TMEM117: variants seen among roughly 807,000 people sequenced by gnomAD.
The protein encoded by TMEM117 is transmembrane protein 117.
A neutral mutation model predicts 52.4 loss-of-function variants in TMEM117; 27 were observed. That is an observed-to-expected ratio of 0.51 (90% CI 0.38 to 0.71). The LOEUF is 0.71. Ranked by LOEUF, TMEM117 falls within the 30% of genes least tolerant of loss-of-function variation. The pLI is 0.00. For missense variants in TMEM117, 556 were observed against 630.5 expected, an observed-to-expected ratio of 0.88 and a Z score of 1.26; for synonymous variants, 215 against 206.3, an observed-to-expected ratio of 1.04 and a Z score of -0.36.
At position 43,850,142 on chromosome 12, in the gene TMEM117, G is replaced by A. The variant is rs1190681509; in HGVS notation, c.277+5214G>A. On this transcript the variant is annotated intron_variant, in intron 2 of 7. Coordinates refer to ENST00000266534, the MANE Select transcript of TMEM117 (RefSeq NM_032256.3). ...ATTTAATAGGGCCTTACTAACAGAAGCCATGTCTCGGTACCTGTGAGATGA... is the reference window on the plus strand; with the variant it reads ...ATTTAATAGGGCCTTACTAACAGAAACCATGTCTCGGTACCTGTGAGATGA... Among the ~76,000 whole-genome samples, 3 of 152,224 alleles carry A rather than the reference G, an allele frequency of 2.0e-5. No homozygotes were observed. The East Asian group carries it at 5.8e-4, about 29-fold the overall frequency.
intron 5 of TMEM117, among the ~76,000 whole-genome samples, chr12:44,259,064 T>C (rs983338384): frequency 6.6e-6 from 1 of 152,174 alleles, no homozygotes; most frequent in Non-Finnish European, 1.5e-5. Flanking sequence ...AATATAAAAA[T>C]GTACTTCACT....
At chr12:43,993,212 C>T (rs1268447935) in intron 3 of TMEM117, among the ~76,000 whole-genome samples, 1 of 152,106 alleles carries the variant, frequency 6.6e-6, no homozygotes, top group Non-Finnish European at 1.5e-5. Context: ...GAATGCAATC[C>T]CAACTGAGCT....
chr12:44,128,318 C>T (rs1404067899), intron 3 of TMEM117, among the ~76,000 whole-genome samples: 1 of 152,260 alleles, frequency 6.6e-6, no homozygotes, highest in African/African-American at 2.4e-5. Context: ...CTGCCCCCTT[C>T]TCTTCACACC....
At chr12:44,205,500 A>G (rs1227009906) in intron 4 of TMEM117, among the ~76,000 whole-genome samples, 1 of 152,164 alleles carries the variant, frequency 6.6e-6, no homozygotes, top group African/African-American at 2.4e-5. Context: ...TACTTGCAAA[A>G]TATCCATCTG....
intron 6 of TMEM117, among the ~76,000 whole-genome samples, chr12:44,358,609 T>C (rs1592716610): frequency 6.6e-6 from 1 of 152,200 alleles, no homozygotes. Flanking sequence ...CATAAATAGA[T>C]TGGAAATGTA....
intron 2 of TMEM117, among the ~76,000 whole-genome samples, chr12:43,872,368 G>A (rs373752421): frequency 5.2e-4 from 34 of 64,912 alleles, no homozygotes; most frequent in African/African-American, 8.1e-4. Flanking sequence ...TGAAAAAGGC[G>A]TCTGTACCTC....
intron 5 of TMEM117, among the ~76,000 whole-genome samples, chr12:44,277,474 G>A (rs956853618): frequency 1.3e-5 from 2 of 152,092 alleles, no homozygotes; most frequent in Non-Finnish European, 2.9e-5. Flanking sequence ...GTTGAGACAT[G>A]GCTGGGTCTT....
At chr12:44,057,454 C>T (rs570233792) in intron 3 of TMEM117, among the ~76,000 whole-genome samples, 5 of 152,056 alleles carry the variant, frequency 3.3e-5, no homozygotes, top group African/African-American at 9.6e-5. Context: ...ACCCAAAAAC[C>T]GCAAGCACAT....
At chr12:43,906,172 G>T (rs1944383418) in intron 2 of TMEM117, among the ~76,000 whole-genome samples, 1 of 152,112 alleles carries the variant, frequency 6.6e-6, no homozygotes, top group African/African-American at 2.4e-5. Context: ...AACAAAGATG[G>T]CAGAATGATA....
intron 2 of TMEM117, among the ~76,000 whole-genome samples, chr12:43,863,927 C>T (rs1032463729): frequency 5.9e-5 from 9 of 152,318 alleles, no homozygotes; most frequent in African/African-American, 9.6e-5. Context: ...ACCGGGGCTG[C>T]GCCCGGCGCT....
At chr12:43,963,626 A>G (rs1565771863) in intron 3 of TMEM117, among the ~76,000 whole-genome samples, 2 of 152,344 alleles carry the variant, frequency 1.3e-5, no homozygotes, top group Non-Finnish European at 1.5e-5. Context: ...GAAGTAGGAC[A>G]TTGACACATT....
At chr12:44,283,324 G>A (rs909214341) in intron 5 of TMEM117, among the ~76,000 whole-genome samples, 1 of 152,134 alleles carries the variant, frequency 6.6e-6, no homozygotes, top group African/African-American at 2.4e-5. Flanking sequence ...ACCTGGAAAA[G>A]CCACAAACAC....
intron 5 of TMEM117, among the ~76,000 whole-genome samples, chr12:44,260,702 C>G (rs769906974): frequency 3.3e-5 from 5 of 152,156 alleles, no homozygotes; most frequent in Admixed American, 1.3e-4. Context: ...AAACAAATAT[C>G]TGTTTACGGA....
intron 3 of TMEM117, among the ~76,000 whole-genome samples, chr12:44,028,433 T>G (rs1946578654): frequency 1.3e-5 from 2 of 152,258 alleles, no homozygotes; most frequent in African/African-American, 4.8e-5. Flanking sequence ...GTTAAGGCAT[T>G]CTAAGTCACA....
intron 4 of TMEM117, among the ~76,000 whole-genome samples, chr12:44,200,745 A>G (rs1484381428): frequency 6.6e-6 from 1 of 152,188 alleles, no homozygotes; most frequent in Non-Finnish European, 1.5e-5. Flanking sequence ...TGAAAAGAGG[A>G]AACATGATGG....
chr12:43,972,828 T>A (rs890631380), intron 3 of TMEM117, among the ~76,000 whole-genome samples: 1 of 152,160 alleles, frequency 6.6e-6, no homozygotes, highest in East Asian at 1.9e-4. Context: ...TACAAACCTC[T>A]TGTAAGACAG....
chr12:44,095,570 GA>G (rs1947744453), intron 3 of TMEM117, among the ~76,000 whole-genome samples: 1 of 152,066 alleles, frequency 6.6e-6, no homozygotes, highest in African/African-American at 2.4e-5. Context: ...AAGAAAAAAT[GA>G]AAGTAGGCCT....
At chr12:44,193,795 A>C (rs570726890) in intron 4 of TMEM117, among the ~76,000 whole-genome samples, 2 of 152,316 alleles carry the variant, frequency 1.3e-5, no homozygotes, top group South Asian at 4.1e-4. Flanking sequence ...GAGAGATCCC[A>C]GGTTGGAAGT....
chr12:43,992,410 G>A (rs999820497), intron 3 of TMEM117, among the ~76,000 whole-genome samples: 2 of 151,986 alleles, frequency 1.3e-5, no homozygotes, highest in African/African-American at 2.4e-5. Context: ...TGGGACTACA[G>A]GTGCATGCCA....
Sources: gnomAD v4.1 joint callset for allele counts (sites outside exome capture counted in the v4.1 genomes callset) on GRCh38, gnomAD v4.1.1 for gene constraint, MANE v1.5 for transcripts, NCBI Gene and HGNC (gene_info 2026-07-23, HGNC 2026-07-21) for gene names.